The following SUSD5 variants were observed in gnomAD, a reference collection of about 807,000 sequenced individuals.
SUSD5 encodes sushi domain containing 5.
SUSD5 carries 33 observed loss-of-function variants against 29.5 expected under a neutral mutation model. The observed-to-expected ratio is 1.12, with a 90% confidence interval of 0.85 to 1.49. The LOEUF (loss-of-function observed/expected upper bound fraction) is 1.49, where lower values mean the gene tolerates loss of function less well. Among genes scored for constraint, SUSD5 ranks in the 40% most tolerant of loss-of-function variants. The pLI, the probability that SUSD5 is intolerant of heterozygous loss-of-function variation, is 0.00. For synonymous variants in SUSD5, 308 were observed against 325.3 expected, an observed-to-expected ratio of 0.95 and a Z score of 0.57; for missense variants, 776 against 800.6, an observed-to-expected ratio of 0.97 and a Z score of 0.37.
At chr3:33,215,117 T>C (rs1390407788) in intron 1 of SUSD5, among the ~76,000 whole-genome samples, 1 of 151,750 alleles carries the variant, frequency 6.6e-6, no homozygotes, top group Non-Finnish European at 1.5e-5. Context: ...AAATTTTAAA[T>C]AAACACTTCC....
At chr3:33,186,223 A>C (rs1202706427) in intron 3 of SUSD5, among the ~76,000 whole-genome samples, 3 of 151,436 alleles carry the variant, frequency 2.0e-5, no homozygotes, top group Non-Finnish European at 4.4e-5. Context: ...AATGGCGTGA[A>C]CCCGGGAGGT....
At position 33,179,297 on chromosome 3, in the gene SUSD5, G is replaced by A. The variant is rs368146155; in HGVS notation, c.410-4223C>T. Among the ~76,000 whole-genome samples, 253 of 152,158 alleles carry A rather than the reference G, an allele frequency of 1.7e-3. 1 individual carries two copies. The highest frequency in any genetic ancestry group is 5.8e-3 in the African/African-American group (241 of 41,508). On this transcript the variant is annotated intron_variant, in intron 3 of 4. Coordinates refer to ENST00000309558, the MANE Select transcript of SUSD5 (RefSeq NM_015551.2). ...AAAAGCATAACCAATTGTTTAATCA[G>A]TTTTATGTGACCTATGAGCCTTCAG... is the stretch of plus-strand genomic sequence containing the variant.
chr3:33,193,114 T>C (rs1434148604), intron 3 of SUSD5, among the ~76,000 whole-genome samples: 1 of 152,082 alleles, frequency 6.6e-6, no homozygotes, highest in Non-Finnish European at 1.5e-5. Context: ...TTGCAAGCGA[T>C]GAAGCTATAG....
At chr3:33,194,934 C>T (rs1267124343) in intron 3 of SUSD5, among the ~76,000 whole-genome samples, 1 of 152,200 alleles carries the variant, frequency 6.6e-6, no homozygotes, top group Non-Finnish European at 1.5e-5. Context: ...GTGGCTCACA[C>T]CTGTAATCCC....
intron 4 of SUSD5, among the ~76,000 whole-genome samples, chr3:33,165,880 T>A (rs1575529744): frequency 6.6e-6 from 1 of 152,098 alleles, no homozygotes; most frequent in Non-Finnish European, 1.5e-5. Context: ...CAGTGGCTCA[T>A]GCCTACAATC....
chr3:33,155,236 G>T (rs1407168853), intron 4 of SUSD5, among the ~76,000 whole-genome samples: 3 of 152,288 alleles, frequency 2.0e-5, no homozygotes, highest in Non-Finnish European at 4.4e-5. Context: ...TCTATACTAA[G>T]TAGACAGACA....
At chr3:33,165,549 G>GA (rs1366174222) in intron 4 of SUSD5, among the ~76,000 whole-genome samples, 1 of 152,118 alleles carries the variant, frequency 6.6e-6, no homozygotes, top group Admixed American at 6.5e-5. Flanking sequence ...ATCAGAAGTG[G>GA]ACACCATGTA....
rs190467545 is a variant in SUSD5, at chr3:33,169,791, A to G, written c.598+5095T>C. Among the ~76,000 whole-genome samples the G allele has an allele frequency of 2.0e-5, 3 of 152,350 alleles. No homozygotes were observed. The East Asian group carries it at 5.8e-4, about 29-fold the overall frequency. On this transcript the variant is annotated intron_variant, in intron 4 of 4. Transcript: ENST00000309558. ...TGGAGGGAGGTCCAGCTTGGGGTCA[A>G]GCACTTTCCTGATACTGCAGCCCAG...
rs1307185054 is a variant in SUSD5 at position 33,175,209 on chromosome 3, G to C, written c.410-135C>G. 31 of 937,022 alleles carry C rather than the reference G, an allele frequency of 3.3e-5. No individual in the cohort carries two copies. The East Asian group carries it at 7.5e-4, about 23-fold the overall frequency. 58.0% of individuals were successfully genotyped at this position (937,022 alleles called of 1,614,324 possible). A position where few individuals can be genotyped will look rare whatever the true frequency, so the allele number is the denominator to read the frequency against. Reference sequence around the variant, plus strand: ...ACTGTGATCACAGGGGCTGTTTCTTGGTCACCCTGGCAACTCCAAGGCCTG... The same window carrying C: ...ACTGTGATCACAGGGGCTGTTTCTTCGTCACCCTGGCAACTCCAAGGCCTG... On this transcript the variant is annotated intron_variant, in intron 3 of 4. Transcript: ENST00000309558.
chr3:33,192,918 A>C (rs1446412619), intron 3 of SUSD5, among the ~76,000 whole-genome samples: 1 of 152,044 alleles, frequency 6.6e-6, no homozygotes, highest in Non-Finnish European at 1.5e-5. Flanking sequence ...TTTTCCCACT[A>C]ATTTGAAGTT....
Position 33,175,033 on chromosome 3 carries a change from G to C in SUSD5, c.451C>G (p.Leu151Val), listed in dbSNP as rs1442470137. The C allele has an allele frequency of 6.2e-7, 1 of 1,613,950 alleles. No individual in the cohort carries two copies. The highest frequency in any genetic ancestry group is 8.5e-7 in the Non-Finnish European group (1 of 1,179,914). Residue 151 changes from leucine to valine, a missense_variant, in exon 4 of 5, where the codon CTG becomes GTG. Coordinates refer to ENST00000309558, the MANE Select transcript of SUSD5 (RefSeq NM_015551.2). ...ATTTCCAAGCCGGTGCGGCCCTGCA[G>C]GATGGTGTGTGGGAACGAAGGCGGG... ...GDPPSFPHTILQGRTGLEMGD... is the reference protein window; with the variant it reads ...GDPPSFPHTIVQGRTGLEMGD...
chr3:33,183,930 C>CTTTTTTTTTTTTT lies in SUSD5; in HGVS notation c.410-8869_410-8857dup, dbSNP rs68055129. On this transcript the variant is annotated intron_variant, in intron 3 of 4. Coordinates refer to ENST00000309558, the MANE Select transcript of SUSD5 (RefSeq NM_015551.2). ...AACACTTTAAATATTTTATTACCCT[C>CTTTTTTTTTTTTT]TTTTTTTTTTTTTTTTTTTTTTTTT... 8.0e-4 allele frequency among the ~76,000 whole-genome samples: 50 copies of CTTTTTTTTTTTTT among 62,586 alleles called. 2 individuals are homozygous for CTTTTTTTTTTTTT. Among genetic ancestry groups the CTTTTTTTTTTTTT allele is most frequent in the African/African-American group, 1.3e-3 (17 of 13,308 alleles). 41.1% of individuals were successfully genotyped at this position (62,586 alleles called of 152,430 possible).
chr3:33,193,073 G>T (rs1259049192), intron 3 of SUSD5, among the ~76,000 whole-genome samples: 1 of 152,118 alleles, frequency 6.6e-6, no homozygotes, highest in African/African-American at 2.4e-5. Context: ...ATAGCAATAA[G>T]TTGATAAGAC....
intron 3 of SUSD5, among the ~76,000 whole-genome samples, chr3:33,178,441 T>TGG (rs796122259): frequency 6.2e-5 from 7 of 112,846 alleles, no homozygotes; most frequent in Admixed American, 9.2e-5. Context: ...TGTAGTTTTT[T>TGG]TTTTGTTGTT....
intron 3 of SUSD5, among the ~76,000 whole-genome samples, chr3:33,198,859 G>T (rs2032045728): frequency 6.6e-6 from 1 of 152,192 alleles, no homozygotes; most frequent in Admixed American, 6.5e-5. Flanking sequence ...TTGGGGGAAA[G>T]AGAGTTAGGA....
Position 33,153,620 on chromosome 3 carries a change from C to T in SUSD5, c.1012G>A (p.Val338Met). ...GGACCATCAGTGTTGCCGTAGATCA[C>T]CTTGGTTTCAGGTTCACCTGGGACC... is the stretch of plus-strand genomic sequence containing the variant. ...KLVPGEPETK[V>M]IYGNTDGPSG... The change falls in exon 5 of 5, where the codon GTG becomes ATG. Residue 338 changes from valine (V) to methionine (M), a missense_variant. Physicochemically the swap from Val to Met is conservative, Grantham distance 21. Coordinates refer to ENST00000309558, the MANE Select transcript of SUSD5 (RefSeq NM_015551.2). 1 of 1,614,028 alleles carries T rather than the reference C, an allele frequency of 6.2e-7. No homozygotes were observed. The highest frequency in any genetic ancestry group is 8.5e-7 in the Non-Finnish European group (1 of 1,179,904).
intron 4 of SUSD5, among the ~76,000 whole-genome samples, chr3:33,158,165 A>T (rs1015533727): frequency 2.6e-5 from 4 of 152,256 alleles, no homozygotes; most frequent in African/African-American, 7.2e-5. Context: ...ACTGTTCAGC[A>T]CTGGGATCAG....
intron 3 of SUSD5, among the ~76,000 whole-genome samples, chr3:33,186,123 G>C (rs1189986480): frequency 6.6e-6 from 1 of 152,060 alleles, no homozygotes; most frequent in Non-Finnish European, 1.5e-5. Context: ...CTAACACGGT[G>C]AAACCCTGTC....
intron 3 of SUSD5, among the ~76,000 whole-genome samples, chr3:33,194,802 A>G (rs1289836249): frequency 6.6e-6 from 1 of 152,232 alleles, no homozygotes; most frequent in Non-Finnish European, 1.5e-5. Context: ...ATAGTAGCTA[A>G]AAGGATACAG....
Sources: allele counts gnomAD v4.1 joint callset (sites outside exome capture counted in the v4.1 genomes callset), GRCh38; gene constraint gnomAD v4.1.1; transcripts MANE v1.5; gene names NCBI Gene and HGNC (gene_info 2026-07-23, HGNC 2026-07-21).